The following CSMD1 variants were observed in gnomAD, a reference collection of about 807,000 sequenced individuals.
CSMD1 encodes CUB and Sushi multiple domains 1.
CSMD1 carries 213 observed loss-of-function variants against 417.5 expected under a neutral mutation model. The observed-to-expected ratio is 0.51, with a 90% CI of 0.46 to 0.57. CSMD1 has a LOEUF of 0.57. CSMD1 is among the 20% of genes least tolerant of loss of function. The probability of loss-of-function intolerance (pLI) is 0.00; values close to 1 mark genes in which losing one functional copy is unlikely to be tolerated. For missense variants in CSMD1, 6,923 were observed against 4,529.7 expected (o/e 1.53, Z -15.17); for synonymous variants, 2,862 against 1,736.8 (o/e 1.65, Z -16.11).
intron 5 of CSMD1, among the ~76,000 whole-genome samples, chr8:3,960,463 G>A (rs191480396): frequency 9.7e-4 from 147 of 152,210 alleles, no homozygotes; most frequent in African/African-American, 9.1e-4. Flanking sequence ...ACACAGGGGC[G>A]AATATTATTT....
chr8:3,659,265 G>C (rs1798288271), intron 7 of CSMD1, among the ~76,000 whole-genome samples: 1 of 152,168 alleles, frequency 6.6e-6, no homozygotes, highest in Admixed American at 6.5e-5. Flanking sequence ...TGATAACAAA[G>C]ACTACCAAAT....
intron 1 of CSMD1, among the ~76,000 whole-genome samples, chr8:4,924,130 C>A (rs928228103): frequency 6.6e-6 from 1 of 152,166 alleles, no homozygotes; most frequent in African/African-American, 2.4e-5. Flanking sequence ...CATCCAGGCT[C>A]ACAAATAAAC....
At chr8:4,242,435 C>T (rs1330905059) in intron 3 of CSMD1, among the ~76,000 whole-genome samples, 1 of 152,172 alleles carries the variant, frequency 6.6e-6, no homozygotes, top group Non-Finnish European at 1.5e-5. Context: ...TATCATAATA[C>T]TTCAAGCTAT....
At chr8:3,923,607 C>A (rs115456061) in intron 5 of CSMD1, among the ~76,000 whole-genome samples, 2 of 152,236 alleles carry the variant, frequency 1.3e-5, no homozygotes, top group African/African-American at 2.4e-5. Flanking sequence ...CATATACTCA[C>A]CATTTTTGTG....
At chr8:3,605,273 C>T (rs2449169) in intron 8 of CSMD1, among the ~76,000 whole-genome samples, 2 of 151,984 alleles carry the variant, frequency 1.3e-5, no homozygotes, top group African/African-American at 2.4e-5. Context: ...TACAGGCGTG[C>T]GCCATCGCGC....
At chr8:4,097,351 G>C (rs1039834275) in intron 3 of CSMD1, among the ~76,000 whole-genome samples, 4 of 152,166 alleles carry the variant, frequency 2.6e-5, no homozygotes, top group African/African-American at 7.2e-5. Flanking sequence ...TTTATAAAAT[G>C]TGTAAAAGAA....
intron 3 of CSMD1, among the ~76,000 whole-genome samples, chr8:4,331,761 G>T (rs1025941762): frequency 6.6e-6 from 1 of 152,042 alleles, no homozygotes; most frequent in Non-Finnish European, 1.5e-5. Flanking sequence ...CGGTCCATGT[G>T]CCAAGTCTTC....
chr8:3,995,432 C>G (rs1815133270), intron 5 of CSMD1, among the ~76,000 whole-genome samples: 1 of 152,182 alleles, frequency 6.6e-6, no homozygotes. Flanking sequence ...CCATCTTTAC[C>G]CCGACAGTTA....
chr8:4,261,730 C>T (rs1033861818), intron 3 of CSMD1, among the ~76,000 whole-genome samples: 5 of 152,054 alleles, frequency 3.3e-5, no homozygotes, highest in South Asian at 2.1e-4. Context: ...CTTAAATGCC[C>T]CCATCACACA....
intron 1 of CSMD1, among the ~76,000 whole-genome samples, chr8:4,780,956 G>C (rs1797123691): frequency 6.6e-6 from 1 of 152,124 alleles, no homozygotes; most frequent in South Asian, 2.1e-4. Context: ...CTCAAGCAAT[G>C]ACCTGTTTTT....
chr8:4,586,556 T>A (rs1380387802), intron 2 of CSMD1, among the ~76,000 whole-genome samples: 1 of 151,538 alleles, frequency 6.6e-6, no homozygotes, highest in African/African-American at 2.5e-5. Flanking sequence ...TTTATGGACG[T>A]AACCTTTTTA....
At chr8:4,262,346 C>G (rs6986522) in intron 3 of CSMD1, among the ~76,000 whole-genome samples, 13,660 of 152,170 alleles carry the variant, frequency 0.09, 968 homozygotes, top group East Asian at 0.4. Flanking sequence ...TTTCTGCAAT[C>G]TGGGATTCCC....
intron 10 of CSMD1, among the ~76,000 whole-genome samples, chr8:3,539,962 T>C (rs1438149278): frequency 1.3e-5 from 2 of 152,152 alleles, no homozygotes; most frequent in Non-Finnish European, 2.9e-5. Context: ...TTGTAGCTAG[T>C]TTGAGAAACA....
At chr8:3,986,145 G>A (rs143788123) in intron 5 of CSMD1, among the ~76,000 whole-genome samples, 2 of 152,128 alleles carry the variant, frequency 1.3e-5, no homozygotes, top group East Asian at 1.9e-4. Context: ...GTGACTTGAA[G>A]GCATCACCTT....
chr8:4,293,537 G>A (rs1197011164), intron 3 of CSMD1, among the ~76,000 whole-genome samples: 1 of 152,108 alleles, frequency 6.6e-6, no homozygotes, highest in Non-Finnish European at 1.5e-5. Context: ...CCATGAAATA[G>A]ACTTGTCACC....
chr8:3,820,017 C>T (rs1375562116), intron 5 of CSMD1, among the ~76,000 whole-genome samples: 1 of 152,176 alleles, frequency 6.6e-6, no homozygotes, highest in East Asian at 1.9e-4. Context: ...ACTTGAACAT[C>T]ACAGTCATCT....
chr8:3,040,669 G>A (rs993737111), intron 50 of CSMD1, among the ~76,000 whole-genome samples: 50 of 151,972 alleles, frequency 3.3e-4, no homozygotes, highest in African/African-American at 6.0e-4. Flanking sequence ...CGGGCATGGC[G>A]GCGTGTGCCT....
chr8:4,288,693 G>C (rs1273296803), intron 3 of CSMD1, among the ~76,000 whole-genome samples: 1 of 152,148 alleles, frequency 6.6e-6, no homozygotes, highest in South Asian at 2.1e-4. Flanking sequence ...CCTCGTTGTA[G>C]AGTCTTCTAG....
In CSMD1 at chr8:3,717,789, G is replaced by A. The variant is rs115237102; in HGVS notation, c.932-9298C>T. 2.6e-5 allele frequency among the ~76,000 whole-genome samples: 4 copies of A among 152,080 alleles called. No individual in the cohort carries two copies. In the South Asian group the frequency reaches 6.2e-4, roughly 24 times the overall value. ...CAGTTTTCCTAAGGTATTTTTAATA[G>A]ATTATTCATAATGTATTTAATTCCT... On this transcript the variant is annotated intron_variant, in intron 6 of 69. Transcript: ENST00000635120.
Sources: allele counts gnomAD v4.1 joint callset (sites outside exome capture counted in the v4.1 genomes callset), GRCh38; gene constraint gnomAD v4.1.1; transcripts MANE v1.5; gene names NCBI Gene and HGNC (gene_info 2026-07-23, HGNC 2026-07-21).